CNTNAP2: variants seen among roughly 807,000 people sequenced by gnomAD.
The protein encoded by CNTNAP2 is contactin associated protein 2.
In CNTNAP2, 98 loss-of-function variants were observed where a neutral mutation model predicts 155.2. The observed-to-expected ratio is 0.63, with a 90% CI of 0.54 to 0.75. The LOEUF is 0.75. Among genes scored for constraint, CNTNAP2 ranks in the 30% least tolerant of loss-of-function variants. The pLI is 0.00. For synonymous variants in CNTNAP2, 651 were observed against 631.2 expected (o/e 1.03, Z -0.47); for missense variants, 1,727 against 1,688.1 (o/e 1.02, Z -0.40).
intron 1 of CNTNAP2, among the ~76,000 whole-genome samples, chr7:146,461,537 T>G (rs1796637661): frequency 6.6e-6 from 1 of 152,166 alleles, no homozygotes. Context: ...ATCTTTAAAT[T>G]TTTAAAATAA....
At chr7:148,387,402 T>G (rs1799235669) in intron 22 of CNTNAP2, among the ~76,000 whole-genome samples, 1 of 152,216 alleles carries the variant, frequency 6.6e-6, no homozygotes, top group African/African-American at 2.4e-5. Flanking sequence ...AAAATGCCTT[T>G]CTACCTGTAA....
At chr7:146,857,262 A>C (rs1308921730) in intron 3 of CNTNAP2, among the ~76,000 whole-genome samples, 1 of 152,110 alleles carries the variant, frequency 6.6e-6, no homozygotes, top group Non-Finnish European at 1.5e-5. Context: ...GCACAGAGTA[A>C]AATAGAAGAA....
intron 4 of CNTNAP2, among the ~76,000 whole-genome samples, chr7:147,076,194 G>A (rs1799997536): frequency 6.6e-6 from 1 of 152,138 alleles, no homozygotes; most frequent in African/African-American, 2.4e-5. Flanking sequence ...CTAGATCCTT[G>A]AGGAATCGCC....
chr7:147,452,408 T>C (rs568545521), intron 10 of CNTNAP2, among the ~76,000 whole-genome samples: 7 of 152,324 alleles, frequency 4.6e-5, no homozygotes, highest in African/African-American at 1.4e-4. Context: ...GCTTGTTTTA[T>C]AGATGAGAAA....
intron 8 of CNTNAP2, among the ~76,000 whole-genome samples, chr7:147,191,253 G>A (rs907846503): frequency 2.0e-5 from 3 of 152,054 alleles, no homozygotes; most frequent in African/African-American, 7.3e-5. Flanking sequence ...CCCTAACCTC[G>A]AATATAGTAT....
intron 15 of CNTNAP2, among the ~76,000 whole-genome samples, chr7:148,048,379 A>C (rs1415913709): frequency 6.6e-6 from 1 of 152,180 alleles, no homozygotes; most frequent in African/African-American, 2.4e-5. Flanking sequence ...TTTAAAAATG[A>C]AAAACTTCCC....
At chr7:147,882,219 C>G (rs899685997) in intron 13 of CNTNAP2, among the ~76,000 whole-genome samples, 2 of 152,072 alleles carry the variant, frequency 1.3e-5, no homozygotes, top group Admixed American at 6.5e-5. Context: ...CCATGTTAGA[C>G]AGCAGGAAAG....
At chr7:146,961,452 G>T (rs1351034032) in intron 3 of CNTNAP2, among the ~76,000 whole-genome samples, 1 of 152,168 alleles carries the variant, frequency 6.6e-6, no homozygotes. Context: ...TCGAAGTGAA[G>T]AACTATGAGA....
At chr7:146,914,658 A>G (rs1168801555) in intron 3 of CNTNAP2, among the ~76,000 whole-genome samples, 1 of 151,114 alleles carries the variant, frequency 6.6e-6, no homozygotes, top group Non-Finnish European at 1.5e-5. Flanking sequence ...TTTTTTGTCT[A>G]GTTGATTTGT....
At chr7:146,553,022 T>C (rs1563132160) in intron 1 of CNTNAP2, among the ~76,000 whole-genome samples, 3 of 152,124 alleles carry the variant, frequency 2.0e-5, no homozygotes, top group African/African-American at 4.8e-5. Context: ...TGGTGCAAAG[T>C]ATTTGTGGTT....
chr7:146,989,249 T>G (rs1368183900), intron 3 of CNTNAP2, among the ~76,000 whole-genome samples: 1 of 151,918 alleles, frequency 6.6e-6, no homozygotes, highest in East Asian at 1.9e-4. Flanking sequence ...AAACTTGGGA[T>G]GCAATGTACT....
At position 146,622,516 on chromosome 7, in the gene CNTNAP2, T is replaced by TG. The variant is rs369819801; in HGVS notation, c.98-151754dup. 1.2e-4 allele frequency among the ~76,000 whole-genome samples: 18 copies of TG among 152,266 alleles called. No individual in the cohort carries two copies. The East Asian group carries it at 3.5e-3, about 29-fold the overall frequency. ...CTATATCTGTGTCTTCATATCTGTT[T>TG]GTATGTATATTCATCTGTATGTATA... On this transcript the variant is annotated intron_variant, in intron 1 of 23. Coordinates refer to ENST00000361727, the MANE Select transcript of CNTNAP2 (RefSeq NM_014141.6).
At chr7:147,479,980 C>T (rs977095399) in intron 10 of CNTNAP2, among the ~76,000 whole-genome samples, 11 of 151,936 alleles carry the variant, frequency 7.2e-5, no homozygotes, top group African/African-American at 2.7e-4. Context: ...AAATAGAAGA[C>T]ACTCCATAGA....
intron 3 of CNTNAP2, among the ~76,000 whole-genome samples, chr7:146,842,779 G>A (rs1289204131): frequency 1.1e-4 from 16 of 151,790 alleles, no homozygotes; most frequent in Admixed American, 2.6e-4. Flanking sequence ...TCCGCCTCCC[G>A]GTTTCACGCC....
chr7:146,238,070 T>G (rs2116923608), intron 1 of CNTNAP2, among the ~76,000 whole-genome samples: 1 of 152,330 alleles, frequency 6.6e-6, no homozygotes, highest in Admixed American at 6.5e-5. Context: ...ATAGAAAATT[T>G]AACTCTACAC....
intron 1 of CNTNAP2, among the ~76,000 whole-genome samples, chr7:146,391,581 A>G (rs1242455078): frequency 3.3e-5 from 5 of 152,214 alleles, no homozygotes; most frequent in African/African-American, 4.8e-5. Flanking sequence ...TTGATCTTAT[A>G]CATTAAGCAT....
At chr7:147,396,089 G>A (rs555846024) in intron 10 of CNTNAP2, among the ~76,000 whole-genome samples, 3 of 145,870 alleles carry the variant, frequency 2.1e-5, no homozygotes, top group African/African-American at 7.5e-5. Flanking sequence ...TATATATGTA[G>A]CATATATATG....
chr7:146,327,896 G>A (rs1801122585), intron 1 of CNTNAP2, among the ~76,000 whole-genome samples: 1 of 152,200 alleles, frequency 6.6e-6, no homozygotes, highest in Non-Finnish European at 1.5e-5. Flanking sequence ...TTGCTAGAAA[G>A]AGGCACAAAA....
At chr7:146,927,182 A>C (rs1034607572) in intron 3 of CNTNAP2, among the ~76,000 whole-genome samples, 1 of 152,186 alleles carries the variant, frequency 6.6e-6, no homozygotes, top group African/African-American at 2.4e-5. Flanking sequence ...TTCTCCTGTA[A>C]GACTTAGATG....
Sources: allele counts gnomAD v4.1 joint callset (sites outside exome capture counted in the v4.1 genomes callset), GRCh38; gene constraint gnomAD v4.1.1; transcripts MANE v1.5; gene names NCBI Gene and HGNC (gene_info 2026-07-23, HGNC 2026-07-21).